The following MGST1 variants were observed in gnomAD, a reference collection of about 807,000 sequenced individuals.
MGST1 encodes glutathione S-transferase 12.
In MGST1, 5 loss-of-function variants were observed where a neutral mutation model predicts 8.9. The observed-to-expected ratio is 0.56, with a 90% CI of 0.29 to 1.19. The LOEUF is 1.19. Ranked by LOEUF, MGST1 falls within the 50% of genes most tolerant of loss-of-function variation. The probability of loss-of-function intolerance (pLI) is 0.08; values close to 1 mark genes in which losing one functional copy is unlikely to be tolerated. For missense variants in MGST1, 182 were observed against 187.4 expected (o/e 0.97, Z 0.17); for synonymous variants, 54 against 67.8 (o/e 0.80, Z 1.00).
Position 16,497,862 on chromosome 12 carries a change from A to G in MGST1, n.483-91666A>G, listed in dbSNP as rs562183026. 1.4e-3 allele frequency among the ~76,000 whole-genome samples: 208 copies of G among 152,302 alleles called. 3 individuals are homozygous for G. Among genetic ancestry groups the G allele is most frequent in the Non-Finnish European group, 1.7e-3 (118 of 68,016 alleles). On this transcript the variant is annotated intron_variant and non_coding_transcript_variant, in intron 4 of 4. Transcript: ENST00000538857. This position sits in a 1 kb window ranked among gnomAD's most constrained non-coding sequence, Gnocchi z 4.4. ...TTCTTTGGACATCTGTCCCCCAGAA[A>G]TTCCGGAGTAGGGCTCAGGAATCTG...
chr12:16,404,340 A>G (rs1940682893), intron 1 of MGST1, among the ~76,000 whole-genome samples: 1 of 152,068 alleles, frequency 6.6e-6, no homozygotes, highest in Non-Finnish European at 1.5e-5. Context: ...TGTTAGATCT[A>G]TTTCTAATAA....
chr12:16,379,987 G>C (rs1412713866), downstream of MGST1, among the ~76,000 whole-genome samples: 1 of 152,078 alleles, frequency 6.6e-6, no homozygotes, highest in African/African-American at 2.4e-5. Flanking sequence ...TGGGATCGGT[G>C]GTGATATCCC....
intron 1 of MGST1, among the ~76,000 whole-genome samples, chr12:16,353,988 G>A (rs1407129805): frequency 1.3e-5 from 2 of 151,716 alleles, no homozygotes; most frequent in African/African-American, 2.4e-5. Flanking sequence ...TCAAACTCCC[G>A]ATCTCAAGTG....
At chr12:16,521,831 G>A (rs2137190623) in intron 4 of MGST1, among the ~76,000 whole-genome samples, 1 of 152,232 alleles carries the variant, frequency 6.6e-6, no homozygotes, top group African/African-American at 2.4e-5. Context: ...TTGGTAGGCT[G>A]TAAATGCTCC....
At chr12:16,452,447 A>G (rs1941136668) in intron 4 of MGST1, among the ~76,000 whole-genome samples, 1 of 151,646 alleles carries the variant, frequency 6.6e-6, no homozygotes, top group Non-Finnish European at 1.5e-5. Flanking sequence ...TGATCACCCT[A>G]TCCACCAAAC....
At chr12:16,399,292 T>TG (rs1565447244) in intron 1 of MGST1, 6 of 1,605,990 alleles carry the variant, frequency 3.7e-6, no homozygotes, top group South Asian at 2.2e-5. Flanking sequence ...CTCTTTTTCT[T>TG]GGGGGGTGCA....
At position 16,519,322 on chromosome 12, in the gene MGST1, T is replaced by C. The variant is rs530836974; in HGVS notation, n.483-70206T>C. Among the ~76,000 whole-genome samples, 3 of 152,340 alleles carry C rather than the reference T, an allele frequency of 2.0e-5. No homozygotes were observed. In the South Asian group the frequency reaches 6.2e-4, roughly 32 times the overall value. Reference sequence around the variant, plus strand: ...TATGTTGGTATTGTGTTTTTGTATTTGATTTTTTATCTGGCTGCAAGTTAT... The same window carrying C: ...TATGTTGGTATTGTGTTTTTGTATTCGATTTTTTATCTGGCTGCAAGTTAT... On this transcript the variant is annotated intron_variant and non_coding_transcript_variant, in intron 4 of 4. Coordinates refer to the MGST1 transcript ENST00000538857.
intron 1 of MGST1, chr12:16,402,198 A>T (rs1940661793): frequency 1.3e-6 from 2 of 1,583,724 alleles, no homozygotes; most frequent in African/African-American, 2.7e-5. Flanking sequence ...GCTGGCCATA[A>T]AGATGATTTT....
chr12:16,515,997 C>G (rs1005921816), intron 4 of MGST1, among the ~76,000 whole-genome samples: 2 of 152,178 alleles, frequency 1.3e-5, no homozygotes, highest in Non-Finnish European at 2.9e-5. Context: ...TTCTCTGTTA[C>G]AATAAAATTA....
At chr12:16,450,689 C>T (rs894855415) in intron 4 of MGST1, among the ~76,000 whole-genome samples, 3 of 151,954 alleles carry the variant, frequency 2.0e-5, no homozygotes, top group Non-Finnish European at 2.9e-5. Context: ...AGGGGCACCC[C>T]TATGATGTGC....
chr12:16,360,023 A>C (rs184565756), intron 3 of MGST1, among the ~76,000 whole-genome samples: 1 of 152,212 alleles, frequency 6.6e-6, no homozygotes, highest in Non-Finnish European at 1.5e-5. Context: ...AATTGACCCC[A>C]GTTCTGTAAA....
chr12:16,396,189 G>A lies in MGST1; in HGVS notation n.778+12585G>A, dbSNP rs117433266. Among the ~76,000 whole-genome samples, 1,435 of 152,052 alleles carry A rather than the reference G, an allele frequency of 9.4e-3. 10 individuals carry two copies. The highest frequency in any genetic ancestry group is 0.015 in the Non-Finnish European group (1,026 of 67,956). The stretch of plus-strand genomic sequence containing the variant: ...TTGTGGTTTTGATTTGCATTTCCCT[G>A]ATCATCTCAATAGATGCAGAAAAAG... On this transcript the variant is annotated intron_variant and non_coding_transcript_variant, in intron 1 of 1. Coordinates refer to the MGST1 transcript ENST00000359720.
chr12:16,544,221 TACACAC>T lies in MGST1; in HGVS notation n.483-45269_483-45264del, dbSNP rs3029719. Among the ~76,000 whole-genome samples the T allele has an allele frequency of 1.5e-3, 211 of 138,876 alleles. 1 individual carries two copies. The highest frequency in any genetic ancestry group is 4.5e-3 in the African/African-American group (166 of 36,962). The allele number at this position is 138,876 out of a possible 152,430, so 91.1% of individuals were successfully genotyped here. ...TTAAATTGACACCTTAAGTAAGAAC[TACACAC>T]ACACACACACACACACACACACACA... On this transcript the variant is annotated intron_variant and non_coding_transcript_variant, in intron 4 of 4. Coordinates refer to the MGST1 transcript ENST00000538857. The surrounding 1 kb of genome is among the most constrained non-coding windows in gnomAD (Gnocchi z 4.8).
downstream of MGST1, among the ~76,000 whole-genome samples, chr12:16,591,141 G>T (rs1220648735): frequency 6.6e-6 from 1 of 151,884 alleles, no homozygotes; most frequent in Non-Finnish European, 1.5e-5. This position sits in a 1 kb window ranked among gnomAD's most constrained non-coding sequence, Gnocchi z 4.1. Context: ...AGTGATAGGT[G>T]GTACCATAGA....
At chr12:16,488,578 G>C (rs6488848) in intron 4 of MGST1, among the ~76,000 whole-genome samples, 31,521 of 151,900 alleles carry the variant, frequency 0.21, 3,466 homozygotes, top group Middle Eastern at 0.37. Context: ...TAGTCTGCCA[G>C]GTTTCTTTTT....
At chr12:16,499,774 T>C (rs1185835986) in intron 4 of MGST1, among the ~76,000 whole-genome samples, 1 of 152,120 alleles carries the variant, frequency 6.6e-6, no homozygotes, top group Non-Finnish European at 1.5e-5. Context: ...AGATTATGTG[T>C]AGAGATCTGA....
intron 4 of MGST1, among the ~76,000 whole-genome samples, chr12:16,564,559 T>C (rs1942523957): frequency 6.6e-6 from 1 of 152,208 alleles, no homozygotes; most frequent in Non-Finnish European, 1.5e-5. Context: ...ATTGTATTAG[T>C]GTCTTTTATT....
intron 4 of MGST1, among the ~76,000 whole-genome samples, chr12:16,524,594 A>G (rs1021321008): frequency 6.6e-6 from 1 of 152,084 alleles, no homozygotes; most frequent in African/African-American, 2.4e-5. Flanking sequence ...GATTAGAGGG[A>G]ACACCAAACC....
Position 16,500,651 on chromosome 12 carries a change from G to C in MGST1, n.483-88877G>C, listed in dbSNP as rs377563803. Among the ~76,000 whole-genome samples, 2 of 149,620 alleles carry C rather than the reference G, an allele frequency of 1.3e-5. No homozygotes were observed. Among genetic ancestry groups the C allele is most frequent in the African/African-American group, 4.9e-5 (2 of 40,914 alleles). ...TTTTTGACAAAGCAGAGACTTAGAA[G>C]GCCTTTGCCCAGGATGATGTTTACA... On this transcript the variant is annotated intron_variant and non_coding_transcript_variant, in intron 4 of 4. Transcript: ENST00000538857. This position sits in a 1 kb window ranked among gnomAD's most constrained non-coding sequence, Gnocchi z 4.3.
Sources: allele counts gnomAD v4.1 joint callset (sites outside exome capture counted in the v4.1 genomes callset), GRCh38; gene constraint gnomAD v4.1.1; non-coding constraint Gnocchi (gnomAD v3.1); transcripts MANE v1.5; gene names NCBI Gene and HGNC (gene_info 2026-07-23, HGNC 2026-07-21).